WDR31: variants seen among roughly 807,000 people sequenced by gnomAD.
WDR31 encodes WD repeat-containing protein 31.
Under a neutral mutation model 47.3 loss-of-function variants are expected in WDR31, and 30 were observed. That is an observed-to-expected ratio of 0.63 (90% CI 0.47 to 0.86). The LOEUF (loss-of-function observed/expected upper bound fraction) is 0.86, where lower values mean the gene tolerates loss of function less well. Ranked by LOEUF, WDR31 falls within the 40% of genes least tolerant of loss-of-function variation. The pLI is 0.00. For synonymous variants in WDR31, 137 were observed against 159.4 expected (o/e 0.86, Z 1.06); for missense variants, 406 against 442.9 (o/e 0.92, Z 0.75).
Position 113,323,182 on chromosome 9 carries a change from G to A in WDR31, c.325-27C>T, listed in dbSNP as rs768315541. 2.5e-6 allele frequency: 4 copies of A among 1,606,462 alleles called. No individual in the cohort carries two copies. The Admixed American group carries it at 6.8e-5, about 27-fold the overall frequency. Reference sequence around the variant, plus strand: ...TGCTCAGGGAAAAAACAACAACACTGAAATAGCTCTGGTATGCTAGTTGGA... The same window carrying A: ...TGCTCAGGGAAAAAACAACAACACTAAAATAGCTCTGGTATGCTAGTTGGA... On this transcript the variant is annotated intron_variant, in intron 5 of 10. Transcript: ENST00000374193.
chr9:113,335,254 G>A (rs1247047181), intron 2 of WDR31, among the ~76,000 whole-genome samples: 1 of 152,060 alleles, frequency 6.6e-6, no homozygotes, highest in Non-Finnish European at 1.5e-5. Context: ...TATACCAGTT[G>A]CTGGTGAAAC....
Position 113,318,649 on chromosome 9 carries a change from T to C in WDR31, c.781-12A>G, listed in dbSNP as rs765453200. ...CTTAGGTCCCACAACTGCAAAGTAA[T>C]GACATGGACCAGCTCATAGTCACTT... On this transcript the variant is annotated splice_polypyrimidine_tract_variant and intron_variant, in intron 9 of 10. Coordinates refer to ENST00000374193, the MANE Select transcript of WDR31 (RefSeq NM_001012361.4). 1 of 1,613,868 alleles carries C rather than the reference T, an allele frequency of 6.2e-7. No individual in the cohort carries two copies. Among genetic ancestry groups the C allele is most frequent in the South Asian group, 1.1e-5 (1 of 91,070 alleles).
At chr9:113,330,112 A>T (rs929769029) in intron 4 of WDR31, among the ~76,000 whole-genome samples, 10 of 151,984 alleles carry the variant, frequency 6.6e-5, no homozygotes, top group South Asian at 2.1e-4. Flanking sequence ...TATTATTATT[A>T]TTTTTTGAGA....
At chr9:113,321,464 C>T (rs1564298666) in intron 8 of WDR31, 47 bp downstream of exon 8, 2 of 1,590,834 alleles carry the variant, frequency 1.3e-6, no homozygotes, top group African/African-American at 1.3e-5. Context: ...TGCATGGGAG[C>T]CACAAACCTC....
chr9:113,316,747 C>T lies in WDR31; in HGVS notation c.*2G>A, dbSNP rs137927148. ...ATATTGTCCAGTGAGTGTCTCTTGG[C>T]CTCAGAATGCTGCCACTTCCTGCAG... is the stretch of plus-strand genomic sequence containing the variant. On this transcript the variant is annotated 3_prime_UTR_variant, in exon 11 of 11. Coordinates refer to ENST00000374193, the MANE Select transcript of WDR31 (RefSeq NM_001012361.4). 1.6e-4 allele frequency: 264 copies of T among 1,612,926 alleles called. 2 individuals carry two copies. The African/African-American group carries it at 2.3e-3, about 14-fold the overall frequency.
chr9:113,317,677 G>T (rs1407377819), intron 10 of WDR31, among the ~76,000 whole-genome samples: 4 of 152,228 alleles, frequency 2.6e-5, no homozygotes. Context: ...CTTGAGAGGA[G>T]CTGAGTTCTA....
chr9:113,330,948 T>C (rs1833581921), intron 4 of WDR31, 36 bp downstream of exon 4: 1 of 1,557,642 alleles, frequency 6.4e-7, no homozygotes, highest in East Asian at 2.3e-5. Context: ...TTCCCTGCAA[T>C]AAAGTTCATT....
At chr9:113,318,373 G>A in intron 10 of WDR31, 102 bp downstream of exon 10, 3 of 1,367,656 alleles carry the variant, frequency 2.2e-6, no homozygotes, top group Non-Finnish European at 3.1e-6. Flanking sequence ...AGTGGCAGAA[G>A]ATGGGTGGCT....
chr9:113,321,216 A>C (rs891427381), intron 8 of WDR31, among the ~76,000 whole-genome samples: 1 of 152,224 alleles, frequency 6.6e-6, no homozygotes, highest in African/African-American at 2.4e-5. Flanking sequence ...CAAGCAAGTG[A>C]CTGATTCTGG....
chr9:113,326,397 TTCCTTCTTTCCG>T (rs1348177168), intron 5 of WDR31, among the ~76,000 whole-genome samples: 2 of 151,852 alleles, frequency 1.3e-5, no homozygotes, highest in East Asian at 1.9e-4. Flanking sequence ...TTTTCTTTCT[TTCCTTCTTTCCG>T]TCCTTCTTTC....
intron 4 of WDR31, 74 bp from the exon 5 acceptor site, chr9:113,329,029 C>T: frequency 7.5e-7 from 1 of 1,341,952 alleles, no homozygotes; most frequent in Non-Finnish European, 1.1e-6. Context: ...TGCATTCTCA[C>T]CTTACTTTCT....
intron 2 of WDR31, among the ~76,000 whole-genome samples, chr9:113,333,370 A>ATTTTTTTTTTTTT (rs60772699): frequency 9.7e-6 from 1 of 102,932 alleles, no homozygotes; most frequent in African/African-American, 3.4e-5. Context: ...TGGTTGTTGG[A>ATTTTTTTTTTTTT]TTTTTTTTTT....
intron 4 of WDR31, among the ~76,000 whole-genome samples, chr9:113,330,169 C>T (rs997877144): frequency 4.6e-5 from 7 of 151,940 alleles, no homozygotes; most frequent in South Asian, 2.1e-4. Context: ...GGCCCGATCT[C>T]GGCTTACTGC....
chr9:113,322,706 A>C, intron 7 of WDR31, 105 bp downstream of exon 7: 1 of 1,136,228 alleles, frequency 8.8e-7, no homozygotes, highest in Non-Finnish European at 1.3e-6. Context: ...ATTGGGACCC[A>C]GGCTCTAATT....
At position 113,313,847 on chromosome 9, in the gene WDR31, A is replaced by ACTAAAGGT. The variant is rs1833127413; in HGVS notation, c.*2894_*2901dup. 6.6e-6 allele frequency: 1 copy of ACTAAAGGT among 152,192 alleles called. No individual in the cohort carries two copies. 9.4% of individuals were successfully genotyped at this position (152,192 alleles called of 1,614,324 possible). On this transcript the variant is annotated 3_prime_UTR_variant, in exon 11 of 11. Transcript: ENST00000374193. ...GGAATCAAAGGAGAGTGAAACGATG[A>ACTAAAGGT]CTAAAGGTTTAGAGGATAAGATCTA...
rs1833158641 is a variant in WDR31, at chr9:113,314,987, A to C, written c.*1762T>G. 1 of 152,264 alleles carries C rather than the reference A, an allele frequency of 6.6e-6. No individual in the cohort carries two copies. The highest frequency in any genetic ancestry group is 1.5e-5 in the Non-Finnish European group (1 of 68,052). The allele number at this position is 152,264 out of a possible 1,614,324, so 9.4% of individuals were successfully genotyped here. On this transcript the variant is annotated 3_prime_UTR_variant, in exon 11 of 11. Coordinates refer to ENST00000374193, the MANE Select transcript of WDR31 (RefSeq NM_001012361.4). ...GTGGCGAGGTATGATCATGAAACCC[A>C]CGTTATAAAGTGAAGAGGAAACAGA...
intron 1 of WDR31, among the ~76,000 whole-genome samples, chr9:113,338,172 CTT>C (rs1833757325): frequency 6.6e-6 from 1 of 152,204 alleles, no homozygotes; most frequent in Admixed American, 6.5e-5. Flanking sequence ...CATTTTCACC[CTT>C]GTTAATACTG....
At chr9:113,324,697 T>C (rs1833414937) in intron 5 of WDR31, among the ~76,000 whole-genome samples, 1 of 152,088 alleles carries the variant, frequency 6.6e-6, no homozygotes, top group South Asian at 2.1e-4. Context: ...GCCTATTTCA[T>C]TCCTTTTTAA....
At position 113,316,866 on chromosome 9, in the gene WDR31, A is replaced by G. The variant is rs1350249859; in HGVS notation, c.987T>C (p.Thr329=). Residue 329 remains threonine (T), a synonymous_variant, in exon 11 of 11, where the codon ACT becomes ACC. Coordinates refer to ENST00000374193, the MANE Select transcript of WDR31 (RefSeq NM_001012361.4). ...AGATGGCGTCACCAACAGCCAGAGAAGTCAAGGGTCCTGATCCATCCAGAG... is the reference window on the plus strand; with the variant it reads ...AGATGGCGTCACCAACAGCCAGAGAGGTCAAGGGTCCTGATCCATCCAGAG... The part of the protein sequence containing the change: ...TLSLDGSGPL[T]SLAVGDAISL... The G allele has an allele frequency of 6.2e-7, 1 of 1,614,242 alleles. No homozygotes were observed. The highest frequency in any genetic ancestry group is 1.7e-5 in the Admixed American group (1 of 60,028).
Sources: gnomAD v4.1 joint callset for allele counts (sites outside exome capture counted in the v4.1 genomes callset) on GRCh38, gnomAD v4.1.1 for gene constraint, MANE v1.5 for transcripts, NCBI Gene and HGNC (gene_info 2026-07-23, HGNC 2026-07-21) for gene names.